The following FAM110C variants were observed in gnomAD, a reference collection of about 807,000 sequenced individuals.
FAM110C encodes protein FAM110C.
In FAM110C, 19 loss-of-function variants were observed where a neutral mutation model predicts 15.7. That is an observed-to-expected ratio of 1.21 (90% CI 0.85 to 1.78). The LOEUF (loss-of-function observed/expected upper bound fraction) is 1.78. Among genes scored for constraint, FAM110C ranks in the 40% most tolerant of loss-of-function variants. The pLI, the probability that FAM110C is intolerant of heterozygous loss-of-function variation, is 0.00. For missense variants in FAM110C, 547 were observed against 495.7 expected (o/e 1.10, Z -0.98); for synonymous variants, 275 against 233.9 (o/e 1.18, Z -1.61).
Position 41,731 on chromosome 2 carries a change from T to G in FAM110C, c.947-104A>C, listed in dbSNP as rs968713278. 4 of 1,427,794 alleles carry G rather than the reference T, an allele frequency of 2.8e-6. No homozygotes were observed. In the African/African-American group the frequency reaches 5.9e-5, roughly 21 times the overall value. The allele number at this position is 1,427,794 out of a possible 1,614,324, so 88.4% of individuals were successfully genotyped here. On this transcript the variant is annotated intron_variant, in intron 1 of 1. Coordinates refer to ENST00000327669, the MANE Select transcript of FAM110C (RefSeq NM_001077710.3). ...GGTCTGGTCCCTGTAGTTTTTGTTTTCTGACATTCTCTGCATTTTGAAACA... is the reference window on the plus strand; with the variant it reads ...GGTCTGGTCCCTGTAGTTTTTGTTTGCTGACATTCTCTGCATTTTGAAACA...
At chr2:43,599 C>T (rs1172808814) in intron 1 of FAM110C, 1 of 985,300 alleles carries the variant, frequency 1.0e-6, no homozygotes, top group Non-Finnish European at 1.2e-6. Context: ...TCATTCAGGT[C>T]ACTCTTTTGA....
At chr2:44,170 CT>C in intron 1 of FAM110C, 12 of 985,370 alleles carry the variant, frequency 1.2e-5, no homozygotes, top group Non-Finnish European at 1.4e-5. Context: ...TGTTTGTTTG[CT>C]TTTTAGAACT....
intron 1 of FAM110C, chr2:43,023 C>G: frequency 1.0e-6 from 1 of 985,482 alleles, no homozygotes. Flanking sequence ...TGGTCTCCTC[C>G]AGTGGGAACA....
Position 45,898 on chromosome 2 carries a change from G to A in FAM110C, c.488C>T (p.Ala163Val). 7.1e-7 allele frequency: 1 copy of A among 1,417,794 alleles called. No homozygotes were observed. The highest frequency in any genetic ancestry group is 9.1e-7 in the Non-Finnish European group (1 of 1,100,166). 87.8% of individuals were successfully genotyped at this position (1,417,794 alleles called of 1,614,324 possible). Residue 163 changes from alanine (A) to valine (V), a missense_variant, in exon 1 of 2, where the codon GCA becomes GTA. Coordinates refer to ENST00000327669, the MANE Select transcript of FAM110C (RefSeq NM_001077710.3). Reference sequence around the variant, plus strand: ...GGCTGGGGCTGGGGTCTCGGGGATTGCGGGGTCCGCCGCGGGGCCAGGAGT... The same window carrying A: ...GGCTGGGGCTGGGGTCTCGGGGATTACGGGGTCCGCCGCGGGGCCAGGAGT... Reference protein sequence around the residue: ...PTTPGPAADPAIPETPAPAAR... With the variant: ...PTTPGPAADPVIPETPAPAAR...
chr2:44,091 A>G (rs1664208686), intron 1 of FAM110C: 1 of 985,436 alleles, frequency 1.0e-6, no homozygotes, highest in Non-Finnish European at 1.2e-6. Context: ...TGGTGCCATC[A>G]TGGAAATACC....
Position 45,810 on chromosome 2 carries a change from C to CT in FAM110C, c.575_576insA (p.Arg193GlufsTer24). ...GTGAGCGCTGCAGCCCCCGACGCCT[C>CT]ACCACCCGCGGCTCTGGCCCAGGGG... is the stretch of plus-strand genomic sequence containing the variant. On this transcript the variant is annotated frameshift_variant, in exon 1 of 2. Coordinates refer to ENST00000327669, the MANE Select transcript of FAM110C (RefSeq NM_001077710.3). LOFTEE classifies it high-confidence loss of function. 6.5e-7 allele frequency: 1 copy of CT among 1,548,104 alleles called. No homozygotes were observed. The highest frequency in any genetic ancestry group is 8.7e-7 in the Non-Finnish European group (1 of 1,150,370).
chr2:41,972 A>C (rs901079096), intron 1 of FAM110C: 22 of 985,308 alleles, frequency 2.2e-5, no homozygotes, highest in Non-Finnish European at 2.4e-5. Flanking sequence ...TGGACAACAA[A>C]ATAGGAAGCA....
At chr2:41,738 T>C (rs1664131223) in intron 1 of FAM110C, 111 bp from the exon 2 acceptor site, 2 of 1,410,482 alleles carry the variant, frequency 1.4e-6, no homozygotes, top group Non-Finnish European at 1.9e-6. Context: ...TTTTCTGACA[T>C]TCTCTGCATT....
chr2:45,492 G>A lies in FAM110C; in HGVS notation c.894C>T (p.Tyr298=), dbSNP rs750095997. 2 of 1,614,116 alleles carry A rather than the reference G, an allele frequency of 1.2e-6. No individual in the cohort carries two copies. The highest frequency in any genetic ancestry group is 1.7e-6 in the Non-Finnish European group (2 of 1,179,992). ...ERNARIIKWL[Y]TCKKAKETPS... ...GGGTCTCCTTGGCCTTCTTACAGGT[G>A]TACAGCCACTTGATGATGCGGGCGT... is the stretch of plus-strand genomic sequence containing the variant. The change falls in exon 1 of 2, where the codon TAC becomes TAT. Residue 298 remains tyrosine, a synonymous_variant. Transcript: ENST00000327669.
In FAM110C at chr2:41,614, G is replaced by C. The variant is rs769060954; in HGVS notation, c.960C>G (p.Ser320=). The change falls in exon 2 of 2, where the codon TCC becomes TCG. Residue 320 remains serine (S), a synonymous_variant. Coordinates refer to ENST00000327669, the MANE Select transcript of FAM110C (RefSeq NM_001077710.3). The part of the protein sequence containing the change: ...EQSRTRGSKP[S]R ...ATCCTTCAAGAAGTCTTCATCATCG[G>C]GAAGGTTTGCTTCCTGAGGAGTTAA... 6.2e-7 allele frequency: 1 copy of C among 1,613,554 alleles called. No homozygotes were observed. The highest frequency in any genetic ancestry group is 1.1e-5 in the South Asian group (1 of 90,964).
rs990871330 is a variant in FAM110C at position 44,170 on chromosome 2, C to A, written c.946+1270G>T. 8 of 985,252 alleles carry A rather than the reference C, an allele frequency of 8.1e-6. No homozygotes were observed. In the African/African-American group the frequency reaches 1.0e-4, roughly 13 times the overall value. The allele number at this position is 985,252 out of a possible 1,614,324, so 61.0% of individuals were successfully genotyped here. A position where few individuals can be genotyped will look rare whatever the true frequency, so the allele number is the denominator to read the frequency against. ...AAAACTACAAATTAATGTTTGTTTG[C>A]TTTTTAGAACTTTGCCTATATATAT... On this transcript the variant is annotated intron_variant, in intron 1 of 1. Coordinates refer to ENST00000327669, the MANE Select transcript of FAM110C (RefSeq NM_001077710.3).
In FAM110C at chr2:39,182, T is replaced by C. The variant is rs1010091705; in HGVS notation, c.*2426A>G. 1.2e-4 allele frequency: 19 copies of C among 152,270 alleles called. 1 individual carries two copies. The highest frequency in any genetic ancestry group is 4.6e-4 in the African/African-American group (19 of 41,474). 9.4% of individuals were successfully genotyped at this position (152,270 alleles called of 1,614,324 possible). On this transcript the variant is annotated 3_prime_UTR_variant, in exon 2 of 2. Transcript: ENST00000327669. ...CGCAAGCTTTTCATCCCGACTGAAC[T>C]AAACAGTCTGATTTTTCTCAAAGTC... is the stretch of plus-strand genomic sequence containing the variant.
chr2:41,830 G>A, intron 1 of FAM110C: 1 of 985,274 alleles, frequency 1.0e-6, no homozygotes, highest in Non-Finnish European at 1.2e-6. Context: ...CGTTTCTCTG[G>A]CAGAACAAAT....
intron 1 of FAM110C, chr2:44,198 G>T (rs1006167131): frequency 1.0e-6 from 1 of 985,218 alleles, no homozygotes; most frequent in African/African-American, 1.7e-5. Flanking sequence ...ATATATATTT[G>T]TTGGGAACTT....
chr2:44,586 G>T (rs1363802040), intron 1 of FAM110C: 3 of 985,270 alleles, frequency 3.0e-6, no homozygotes, highest in Non-Finnish European at 3.6e-6. Flanking sequence ...CCCTGAAAAG[G>T]TTCTTTCTCT....
chr2:43,206 A>G, intron 1 of FAM110C: 1 of 985,456 alleles, frequency 1.0e-6, no homozygotes, highest in Non-Finnish European at 1.2e-6. Flanking sequence ...TTTTGGGTCT[A>G]GGGAAGTACA....
In FAM110C at chr2:45,929, G is replaced by A; in HGVS notation, c.457C>T (p.Pro153Ser). The change falls in exon 1 of 2, where the codon CCG becomes TCG. Residue 153 changes from proline to serine, a missense_variant. Coordinates refer to ENST00000327669, the MANE Select transcript of FAM110C (RefSeq NM_001077710.3). ...TCCGCCGCGGGGCCAGGAGTGGTCG[G>A]GACCGTCTCCGGGTTCCCGGCCTTG... is the stretch of plus-strand genomic sequence containing the variant. ...EGKAGNPETVPTTPGPAADPA... is the reference protein window; with the variant it reads ...EGKAGNPETVSTTPGPAADPA... The A allele has an allele frequency of 2.8e-6, 4 of 1,418,276 alleles. No individual in the cohort carries two copies. The highest frequency in any genetic ancestry group is 1.5e-5 in the African/African-American group (1 of 66,396). The allele number at this position is 1,418,276 out of a possible 1,614,324, so 87.9% of individuals were successfully genotyped here.
chr2:42,319 C>T (rs572901624), intron 1 of FAM110C: 26 of 985,234 alleles, frequency 2.6e-5, no homozygotes, highest in Middle Eastern at 5.2e-4. Flanking sequence ...TGGAATTGTC[C>T]GAACATTTTT....
chr2:39,404 C>CA lies in FAM110C; in HGVS notation c.*2203dup, dbSNP rs1664070071. The CA allele has an allele frequency of 6.6e-6, 1 of 152,238 alleles. No homozygotes were observed. The highest frequency in any genetic ancestry group is 6.5e-5 in the Admixed American group (1 of 15,286). The allele number at this position is 152,238 out of a possible 1,614,324, so 9.4% of individuals were successfully genotyped here. A position where few individuals can be genotyped will look rare whatever the true frequency, so the allele number is the denominator to read the frequency against. ...CCTCCCAAAGCATTGGGATTAAAGG[C>CA]ATGAGCCACCGCCCCTGGCTGAAGA... On this transcript the variant is annotated 3_prime_UTR_variant, in exon 2 of 2. Transcript: ENST00000327669.
Sources: allele counts gnomAD v4.1 joint callset, GRCh38; gene constraint gnomAD v4.1.1; transcripts MANE v1.5; gene names NCBI Gene and HGNC (gene_info 2026-07-23, HGNC 2026-07-21).